The following EXOSC9 variants were observed in gnomAD, a reference collection of about 807,000 sequenced individuals.
EXOSC9 encodes exosome component 9.
EXOSC9 carries 38 observed loss-of-function variants against 56.5 expected under a neutral mutation model. The ratio of observed to expected loss-of-function variants is 0.67; its 90% CI spans 0.52 to 0.88. EXOSC9 has a LOEUF of 0.88. Ranked by LOEUF, EXOSC9 falls within the 40% of genes least tolerant of loss-of-function variation. The probability of loss-of-function intolerance (pLI) is 0.00; values close to 1 mark genes in which losing one functional copy is unlikely to be tolerated. For missense variants in EXOSC9, 559 were observed against 530.5 expected (o/e 1.05, Z -0.53); for synonymous variants, 170 against 170.8 (o/e 0.99, Z 0.04).
chr4:121,814,676 A>G (rs1724418870), intron 10 of EXOSC9: 1 of 152,198 alleles, frequency 6.6e-6, no homozygotes, highest in African/African-American at 2.4e-5. Flanking sequence ...CTGAGAACTG[A>G]ATTTTAAATT....
intron 7 of EXOSC9, 56 bp from the exon 8 acceptor site, chr4:121,811,523 CATTA>C: frequency 1.0e-6 from 1 of 953,568 alleles, no homozygotes; most frequent in Non-Finnish European, 1.5e-6. Flanking sequence ...GTTTTAGTTT[CATTA>C]GAGAAAACTA....
At chr4:121,813,822 C>T (rs747803929) in intron 9 of EXOSC9, 44 bp from the exon 10 acceptor site, 5 of 1,360,706 alleles carry the variant, frequency 3.7e-6, no homozygotes, top group Non-Finnish European at 5.2e-6. Flanking sequence ...AACAGTTCAT[C>T]AAATAGCAAT....
At chr4:121,804,399 T>C in intron 4 of EXOSC9, 3 of 365,572 alleles carry the variant, frequency 8.2e-6, no homozygotes, top group Non-Finnish European at 1.5e-5. Flanking sequence ...TTAGAGTGGT[T>C]CTGTTTATTT....
At chr4:121,807,871 A>T (rs1451644639) in intron 6 of EXOSC9, 1 of 534,684 alleles carries the variant, frequency 1.9e-6, no homozygotes, top group South Asian at 2.4e-5. Context: ...AAACTTAGGA[A>T]TTTACTATGG....
chr4:121,809,855 G>A, intron 6 of EXOSC9, 112 bp from the exon 7 acceptor site: 1 of 1,243,008 alleles, frequency 8.0e-7, no homozygotes, highest in Non-Finnish European at 1.2e-6. Flanking sequence ...CGTAGGCTCA[G>A]ACCTTTATTC....
At chr4:121,806,300 G>A (rs1727021120) in intron 5 of EXOSC9, among the ~76,000 whole-genome samples, 1 of 152,030 alleles carries the variant, frequency 6.6e-6, no homozygotes, top group Non-Finnish European at 1.5e-5. Context: ...TTGCAGGCAT[G>A]TGCAACCACG....
At chr4:121,808,624 A>G (rs978608066) in intron 6 of EXOSC9, among the ~76,000 whole-genome samples, 1 of 152,046 alleles carries the variant, frequency 6.6e-6, no homozygotes, top group African/African-American at 2.4e-5. Context: ...TCAGCCTCCC[A>G]AAATGCTGGA....
Position 121,811,656 on chromosome 4 carries a change from A to C in EXOSC9, c.812A>C (p.Asn271Thr). The change falls in exon 8 of 12, where the codon AAT becomes ACT. Residue 271 changes from asparagine (N) to threonine (T), a missense_variant. Physicochemically the swap from Asn to Thr is moderately conservative, Grantham distance 65. Coordinates refer to ENST00000243498, the MANE Select transcript of EXOSC9 (RefSeq NM_005033.3). ...ITELILKALE[N>T]DQKVRKEGGK... ...GAGCTAATATTGAAAGCTTTGGAGAATGACCAAAAAGTAAGGTAAGTAACT... is the reference window on the plus strand; with the variant it reads ...GAGCTAATATTGAAAGCTTTGGAGACTGACCAAAAAGTAAGGTAAGTAACT... 1.3e-6 allele frequency: 2 copies of C among 1,564,454 alleles called. No homozygotes were observed. Among genetic ancestry groups the C allele is most frequent in the Non-Finnish European group, 1.7e-6 (2 of 1,153,666 alleles).
intron 4 of EXOSC9, 48 bp from the exon 5 acceptor site, chr4:121,804,574 C>G (rs1195966517): frequency 1.6e-6 from 2 of 1,259,302 alleles, no homozygotes; most frequent in Non-Finnish European, 2.2e-6. Context: ...TAAATAGCCA[C>G]TGGTTGTAAT....
intron 8 of EXOSC9, 144 bp downstream of exon 8, chr4:121,811,815 C>T (rs541791359): frequency 4.2e-6 from 2 of 473,286 alleles, no homozygotes; most frequent in South Asian, 4.0e-5. Context: ...AAAATTGACT[C>T]ATTAAAAAGT....
intron 10 of EXOSC9, chr4:121,815,314 C>T: frequency 1.0e-6 from 1 of 956,912 alleles, no homozygotes; most frequent in Non-Finnish European, 1.2e-6. Flanking sequence ...TGTTAATATC[C>T]TTGCACTTGC....
chr4:121,813,945 G>C lies in EXOSC9; in HGVS notation c.1054G>C (p.Asp352His). The change falls in exon 10 of 12, where the codon GAC (aspartate) becomes CAC (histidine). Residue 352 changes from aspartate (D) to histidine (H), a missense_variant. Physicochemically the swap from Asp to His is moderately conservative, Grantham distance 81. Transcript: ENST00000243498. ...AGAAAACTCCTGGGGTGATCTTGAA[G>C]ACTCTGAGAAGGAAGATGATGAAGG... ...GVENSWGDLE[D>H]SEKEDDEGGG... is the part of the protein sequence containing the mutation. 6.2e-7 allele frequency: 1 copy of C among 1,613,660 alleles called. No individual in the cohort carries two copies. The highest frequency in any genetic ancestry group is 8.5e-7 in the Non-Finnish European group (1 of 1,179,646).
At chr4:121,816,477 A>G in intron 11 of EXOSC9, 30 bp downstream of exon 11, 1 of 1,348,054 alleles carries the variant, frequency 7.4e-7, no homozygotes, top group Non-Finnish European at 1.0e-6. Flanking sequence ...TTTCAAATGT[A>G]TACATATACT....
chr4:121,809,212 C>G (rs1279314217), intron 6 of EXOSC9, among the ~76,000 whole-genome samples: 1 of 151,928 alleles, frequency 6.6e-6, no homozygotes, highest in Admixed American at 6.6e-5. Context: ...GTCCCAAACT[C>G]ATGAGCTCAA....
chr4:121,801,572 C>G, intron 1 of EXOSC9, 82 bp downstream of exon 1: 1 of 1,338,252 alleles, frequency 7.5e-7, no homozygotes, highest in Non-Finnish European at 1.1e-6. Context: ...CCCGCCTGGG[C>G]CCGGGGAGCT....
rs35942869 is a variant in EXOSC9 at position 121,816,332 on chromosome 4, C to CTT, written c.1157-22_1157-21dup. The CTT allele has an allele frequency of 0.012, 11,425 of 951,200 alleles. No individual in the cohort carries two copies. Among genetic ancestry groups the CTT allele is most frequent in the South Asian group, 0.016 (697 of 42,346 alleles). 58.9% of individuals were successfully genotyped at this position (951,200 alleles called of 1,614,324 possible). The stretch of plus-strand genomic sequence containing the variant: ...ATAAATTTTGCAAGAGATTGCTTAA[C>CTT]TTTTTTTTTTTTTTTTAAATTAATA... On this transcript the variant is annotated intron_variant, in intron 10 of 11. Transcript: ENST00000243498.
rs1315031764 is a variant in EXOSC9, at chr4:121,816,443, A to G, written c.1231A>G (p.Ile411Val). The G allele has an allele frequency of 7.7e-6, 12 of 1,560,132 alleles. No homozygotes were observed. The highest frequency in any genetic ancestry group is 1.0e-5 in the Non-Finnish European group (12 of 1,148,950). Residue 411 changes from isoleucine to valine, a missense_variant, in exon 11 of 12, where the codon ATA becomes GTA. Physicochemically the swap from Ile to Val is conservative, Grantham distance 29. Transcript: ENST00000243498. ...GGAACCAGACAAGAATCCAAAGAAA[A>G]TAAGGTAACAAATTTCTGGTTTATT... ...ILEPDKNPKK[I>V]RTQTTSAKQE...
chr4:121,807,466 T>G (rs1727055659), intron 5 of EXOSC9, 74 bp from the exon 6 acceptor site: 3 of 803,380 alleles, frequency 3.7e-6, no homozygotes, highest in Non-Finnish European at 6.2e-6. Context: ...TTTTAGTATT[T>G]GATGTGCAAG....
intron 4 of EXOSC9, among the ~76,000 whole-genome samples, chr4:121,803,289 A>G (rs1486258308): frequency 2.0e-5 from 3 of 152,232 alleles, no homozygotes; most frequent in East Asian, 3.9e-4. Context: ...ATAGCAACTT[A>G]GATTTTTGTG....
Sources: allele counts gnomAD v4.1 joint callset (sites outside exome capture counted in the v4.1 genomes callset), GRCh38; gene constraint gnomAD v4.1.1; transcripts MANE v1.5; gene names NCBI Gene and HGNC (gene_info 2026-07-23, HGNC 2026-07-21).